The following MYH16 variants were observed in gnomAD, a reference collection of about 807,000 sequenced individuals.
MYH16 encodes the protein myosin heavy chain 16.
At chr7:99,253,543 G>C (rs986352743) in intron 7 of MYH16, 1 of 151,922 alleles carries the variant, frequency 6.6e-6, no homozygotes, top group Admixed American at 6.6e-5. Context: ...GGCTGGCCCC[G>C]TTCCCAGGAC....
At chr7:99,284,774 CGACA>C (rs1792254032) in intron 25 of MYH16, 67 bp from the exon 8 acceptor site, 2 of 450,362 alleles carry the variant, frequency 4.4e-6, no homozygotes. Flanking sequence ...GCAGCCCAGG[CGACA>C]TTCCCTCGCC....
intron 11 of MYH16, chr7:99,258,513 A>C (rs557933930): frequency 6.6e-6 from 1 of 152,478 alleles, no homozygotes; most frequent in South Asian, 2.1e-4. Flanking sequence ...GGGCAGACCA[A>C]TCTCGGTTTG....
intron 3 of MYH16, among the ~76,000 whole-genome samples, chr7:99,248,647 A>G (rs750478522): frequency 2.0e-5 from 3 of 152,024 alleles, no homozygotes; most frequent in East Asian, 1.9e-4. Context: ...AGCTTCCCCA[A>G]ATGCTGGGAT....
chr7:99,275,024 T>TAG (rs1792092743), intron 20 of MYH16, among the ~76,000 whole-genome samples: 1 of 152,090 alleles, frequency 6.6e-6, no homozygotes, highest in Non-Finnish European at 1.5e-5. Flanking sequence ...ACACAGGGTC[T>TAG]CACTCTGTTG....
At chr7:99,276,807 G>C (rs1233488793) in intron 20 of MYH16, among the ~76,000 whole-genome samples, 1 of 152,150 alleles carries the variant, frequency 6.6e-6, no homozygotes, top group African/African-American at 2.4e-5. Flanking sequence ...AAGAGATGGA[G>C]AGAGACACAC....
intron 40 of MYH16, among the ~76,000 whole-genome samples, chr7:99,305,004 A>C (rs903840191): frequency 6.6e-6 from 1 of 152,060 alleles, no homozygotes; most frequent in African/African-American, 2.4e-5. Context: ...GGGGCAACAT[A>C]GTGAGACCTC....
At chr7:99,291,219 A>G (rs1792369065) in intron 30 of MYH16, 104 bp from the exon 12 acceptor site, 1 of 391,724 alleles carries the variant, frequency 2.6e-6, no homozygotes, top group African/African-American at 2.1e-5. Context: ...TGGCCAAGCC[A>G]CCATATTTAT....
At chr7:99,283,588 TGAG>T (rs1562782056) in exon 24 of MYH16, 1 of 456,348 alleles carries the variant, frequency 2.2e-6, no homozygotes, top group Admixed American at 2.3e-5. Context: ...ACCTACAGGC[TGAG>T]GAGGACAAGG....
chr7:99,268,052 A>C (rs1792004976), intron 18 of MYH16, among the ~76,000 whole-genome samples: 1 of 152,190 alleles, frequency 6.6e-6, no homozygotes, highest in Non-Finnish European at 1.5e-5. Flanking sequence ...TGTGCCAGGC[A>C]TGGTTCCAGG....
intron 20 of MYH16, 50 bp downstream of exon 2, chr7:99,273,473 G>T (rs894314574): frequency 1.1e-5 from 5 of 455,672 alleles, no homozygotes; most frequent in African/African-American, 2.0e-5. Flanking sequence ...CCTATGGGCT[G>T]GGGGAGGGCT....
chr7:99,277,798 C>A, intron 21 of MYH16, 86 bp downstream of exon 3: 1 of 371,628 alleles, frequency 2.7e-6, no homozygotes, highest in South Asian at 2.0e-5. Flanking sequence ...TCCAAAAACC[C>A]ATGTCCCTCC....
At chr7:99,256,399 T>C (rs960724065) in intron 9 of MYH16, among the ~76,000 whole-genome samples, 8 of 150,516 alleles carry the variant, frequency 5.3e-5, no homozygotes, top group African/African-American at 1.7e-4. Context: ...AGCCCAGGAG[T>C]TCTAGGCTAC....
chr7:99,273,326 T>G lies in MYH16; in HGVS notation n.2404-16T>G, dbSNP rs1030582603. ...ACCTTCATTGTAACCCACTCAACCC[T>G]GGATTCTTTTCGCAGAATGGGCCTG... On this transcript the variant is annotated splice_polypyrimidine_tract_variant and intron_variant and non_coding_transcript_variant, in intron 19 of 41. Coordinates refer to ENST00000439784, the Ensembl canonical transcript of MYH16. The G allele has an allele frequency of 6.6e-6, 3 of 456,592 alleles. No individual in the cohort carries two copies. Among genetic ancestry groups the G allele is most frequent in the Admixed American group, 4.7e-5 (2 of 42,552 alleles). 28.3% of individuals were successfully genotyped at this position (456,592 alleles called of 1,614,324 possible). A position where few individuals can be genotyped will look rare whatever the true frequency, so the allele number is the denominator to read the frequency against.
At chr7:99,251,949 G>A (rs569006010) in intron 6 of MYH16, among the ~76,000 whole-genome samples, 1 of 152,100 alleles carries the variant, frequency 6.6e-6, no homozygotes. Flanking sequence ...CTCCAGCCTG[G>A]GCAACAGAGT....
exon 31 of MYH16, chr7:99,291,332 G>A: frequency 2.2e-6 from 1 of 456,012 alleles, no homozygotes; most frequent in African/African-American, 2.0e-5. Context: ...GCTGAAAATA[G>A]TGAACTGAGC....
chr7:99,247,427 G>A (rs561199922), intron 2 of MYH16, among the ~76,000 whole-genome samples: 8 of 152,266 alleles, frequency 5.3e-5, no homozygotes, highest in South Asian at 4.1e-4. Flanking sequence ...CACCTGCCTC[G>A]GTCTCCCAAA....
intron 1 of MYH16, chr7:99,239,182 A>G (rs1422874041): frequency 6.6e-6 from 1 of 152,356 alleles, no homozygotes; most frequent in East Asian, 1.9e-4. Flanking sequence ...AGACTCGCCT[A>G]CACTCAAGCT....
chr7:99,306,350 G>GA (rs1792679231), intron 41 of MYH16, among the ~76,000 whole-genome samples: 1 of 152,044 alleles, frequency 6.6e-6, no homozygotes. Flanking sequence ...CCAACATGGT[G>GA]AAACCCATCT....
intron 13 of MYH16, among the ~76,000 whole-genome samples, chr7:99,262,921 C>T (rs758143019): frequency 4.6e-5 from 7 of 152,232 alleles, no homozygotes; most frequent in Non-Finnish European, 1.0e-4. Context: ...CGGGATTCTA[C>T]AGCCACGGTC....
Sources: gnomAD v4.1 joint callset for allele counts (sites outside exome capture counted in the v4.1 genomes callset) on GRCh38, gnomAD v4.1.1 for gene constraint, MANE v1.5 for transcripts, NCBI Gene and HGNC (gene_info 2026-07-23, HGNC 2026-07-21) for gene names.